PHF20L1: variants seen among roughly 807,000 people sequenced by gnomAD.
The protein encoded by PHF20L1 is PHD finger protein 20-like protein 1.
PHF20L1 carries 44 observed loss-of-function variants against 125.5 expected under a neutral mutation model. The observed-to-expected ratio is 0.35, with a 90% CI of 0.28 to 0.45. PHF20L1 has a LOEUF of 0.45. Among genes scored for constraint, PHF20L1 ranks in the 20% least tolerant of loss-of-function variants. The pLI is 1.00. For missense variants in PHF20L1, 1,012 were observed against 1,217.2 expected (o/e 0.83, Z 2.51); for synonymous variants, 380 against 403.1 (o/e 0.94, Z 0.69).
intron 6 of PHF20L1, among the ~76,000 whole-genome samples, chr8:132,802,420 T>G (rs1198140258): frequency 1.3e-5 from 2 of 151,792 alleles, no homozygotes; most frequent in Non-Finnish European, 2.9e-5. Flanking sequence ...AAGCTTTGCA[T>G]TAGTCTTTCT....
intron 10 of PHF20L1, chr8:132,815,397 A>G (rs1475737920): frequency 1.3e-5 from 2 of 151,804 alleles, no homozygotes; most frequent in Admixed American, 6.6e-5. Context: ...CAGTACTTCT[A>G]ATTTTTCAAG....
intron 2 of PHF20L1, among the ~76,000 whole-genome samples, chr8:132,780,515 C>T (rs1830307454): frequency 2.0e-5 from 3 of 152,038 alleles, no homozygotes; most frequent in Admixed American, 2.0e-4. Context: ...TCTTTTCTCC[C>T]TCTTCTCCCA....
intron 2 of PHF20L1, among the ~76,000 whole-genome samples, chr8:132,791,871 T>C (rs900859282): frequency 1.3e-5 from 2 of 152,214 alleles, no homozygotes; most frequent in South Asian, 4.1e-4. Flanking sequence ...ATTTTCATTT[T>C]GGTTGATGCG....
At chr8:132,810,937 A>C in intron 8 of PHF20L1, 109 bp from the exon 9 acceptor site, 1 of 736,428 alleles carries the variant, frequency 1.4e-6, no homozygotes, top group East Asian at 2.5e-5. Context: ...ATTACTTCCT[A>C]CGTATTAAAA....
At chr8:132,840,159 A>G (rs1837783846) in intron 18 of PHF20L1, among the ~76,000 whole-genome samples, 1 of 152,108 alleles carries the variant, frequency 6.6e-6, no homozygotes, top group Admixed American at 6.6e-5. Context: ...TAAAAGAACA[A>G]ACAAACAAAA....
At chr8:132,824,129 C>T (rs1835898229) in intron 13 of PHF20L1, 69 bp downstream of exon 13, 4 of 955,478 alleles carry the variant, frequency 4.2e-6, no homozygotes, top group Non-Finnish European at 6.5e-6. Context: ...CATAGTCTGC[C>T]CCTTACTCTT....
chr8:132,823,647 C>T (rs1243209244), intron 12 of PHF20L1, among the ~76,000 whole-genome samples: 2 of 151,950 alleles, frequency 1.3e-5, no homozygotes, highest in Non-Finnish European at 2.9e-5. Flanking sequence ...CATTTTGACT[C>T]ACATAATCCT....
intron 17 of PHF20L1, 57 bp from the exon 18 acceptor site, chr8:132,839,330 G>T (rs1166968092): frequency 7.5e-7 from 1 of 1,340,016 alleles, no homozygotes; most frequent in Non-Finnish European, 1.1e-6. Context: ...GTTAGCAGTT[G>T]ATGAAAAATC....
In PHF20L1 at chr8:132,846,078, GA is replaced by G. The variant is rs1314928828; in HGVS notation, c.*157del. ...AGGATGGCACCTTGGAAAGAAAAAT[GA>G]AGAACAACTTTATCAAGGAAGCTAG... On this transcript the variant is annotated 3_prime_UTR_variant, in exon 21 of 21. Coordinates refer to ENST00000395386, the MANE Select transcript of PHF20L1 (RefSeq NM_016018.5). The G allele has an allele frequency of 3.3e-5, 18 of 552,288 alleles. No individual in the cohort carries two copies. Among genetic ancestry groups the G allele is most frequent in the Non-Finnish European group, 5.4e-5 (17 of 317,710 alleles). The allele number at this position is 552,288 out of a possible 1,614,324, so 34.2% of individuals were successfully genotyped here.
chr8:132,842,358 A>T (rs2131939762), intron 18 of PHF20L1, 157 bp from the exon 19 acceptor site: 1 of 510,620 alleles, frequency 2.0e-6, no homozygotes, highest in African/African-American at 2.0e-5. Flanking sequence ...CAAATTTTGG[A>T]TGAAATCATG....
chr8:132,832,902 G>A (rs555050647), intron 15 of PHF20L1, among the ~76,000 whole-genome samples: 3 of 152,102 alleles, frequency 2.0e-5, no homozygotes, highest in African/African-American at 4.8e-5. Flanking sequence ...TCAGACAACT[G>A]ATTTAAACAC....
chr8:132,823,198 A>G (rs1258146446), intron 12 of PHF20L1, among the ~76,000 whole-genome samples: 1 of 151,984 alleles, frequency 6.6e-6, no homozygotes, highest in African/African-American at 2.4e-5. Flanking sequence ...GGTTTGCAGA[A>G]CAGTTTTATT....
At chr8:132,820,823 A>C (rs1400276067) in intron 12 of PHF20L1, among the ~76,000 whole-genome samples, 1 of 152,044 alleles carries the variant, frequency 6.6e-6, no homozygotes, top group East Asian at 1.9e-4. Context: ...CTTAGAGATG[A>C]TAACTTATTG....
intron 10 of PHF20L1, chr8:132,816,648 T>C: frequency 2.7e-6 from 1 of 376,414 alleles, no homozygotes. Flanking sequence ...AAATTAATGT[T>C]CCATTTTATT....
rs1363826317 is a variant in PHF20L1 at position 132,794,734 on chromosome 8, A to T, written c.257A>T (p.Asp86Val). 2.5e-6 allele frequency: 4 copies of T among 1,610,700 alleles called. No individual in the cohort carries two copies. The highest frequency in any genetic ancestry group is 3.4e-6 in the Non-Finnish European group (4 of 1,177,650). ...GATCTTAAAAGTTGTTTAAAATAGG[A>T]TTTTAAAGCTGGAGAAGAAGTTCTG... ...EGLKDEEDFF[D>V]FKAGEEVLAR... Residue 86 changes from aspartate to valine, a missense_variant and splice_region_variant, in exon 4 of 21, where the codon GAT (aspartate) becomes GTT (valine). Physicochemically the swap from Asp to Val is radical, Grantham distance 152. Around this residue, in one of 7 missense-constraint regions of PHF20L1, gnomAD observed 94 missense variants for 179.5 expected, o/e 0.52. Transcript: ENST00000395386.
intron 6 of PHF20L1, among the ~76,000 whole-genome samples, chr8:132,802,206 T>G (rs1833149250): frequency 6.6e-6 from 1 of 151,360 alleles, no homozygotes; most frequent in Admixed American, 6.6e-5. Flanking sequence ...GTCTGAAAGC[T>G]CAACTTAGCC....
rs1838508773 is a variant in PHF20L1 at position 132,847,581 on chromosome 8, A to G, written c.*1658A>G. The stretch of plus-strand genomic sequence containing the variant: ...AAACTCTGTATTAAAACTATTCCAC[A>G]TATCCTAAAATTTCAGCTTGCCTTT... On this transcript the variant is annotated 3_prime_UTR_variant, in exon 21 of 21. Coordinates refer to ENST00000395386, the MANE Select transcript of PHF20L1 (RefSeq NM_016018.5). 1.3e-5 allele frequency: 2 copies of G among 152,600 alleles called. No homozygotes were observed. Among genetic ancestry groups the G allele is most frequent in the Admixed American group, 1.3e-4 (2 of 15,264 alleles). The allele number at this position is 152,600 out of a possible 1,614,324, so 9.5% of individuals were successfully genotyped here. A position where few individuals can be genotyped will look rare whatever the true frequency, so the allele number is the denominator to read the frequency against.
At chr8:132,793,557 C>G (rs564192168) in intron 2 of PHF20L1, among the ~76,000 whole-genome samples, 2 of 152,178 alleles carry the variant, frequency 1.3e-5, no homozygotes, top group South Asian at 4.1e-4. Flanking sequence ...CTATTGAGTT[C>G]TGAATGTTAT....
intron 17 of PHF20L1, chr8:132,838,357 T>A (rs945008240): frequency 1.9e-5 from 3 of 157,242 alleles, no homozygotes; most frequent in African/African-American, 7.2e-5. Flanking sequence ...ACCTGGCAGT[T>A]CTGCATATTC....
Sources: gnomAD v4.1 joint callset for allele counts (sites outside exome capture counted in the v4.1 genomes callset) on GRCh38, gnomAD v4.1.1 for gene constraint, gnomAD v4.1.1 regional missense constraint, MANE v1.5 for transcripts, NCBI Gene and HGNC (gene_info 2026-07-23, HGNC 2026-07-21) for gene names.